Variants in SLC7A10 observed in about 807,000 individuals in gnomAD.
The protein encoded by SLC7A10 is solute carrier family 7 member 10, also known as asc-type amino acid transporter 1.
Under a neutral mutation model 52.7 loss-of-function variants are expected in SLC7A10, and 30 were observed. That is an observed-to-expected ratio of 0.57 (90% CI 0.43 to 0.77). SLC7A10 has a LOEUF of 0.77. SLC7A10 is among the 30% of genes least tolerant of loss of function. The pLI is 0.00. For missense variants in SLC7A10, 581 were observed against 698.5 expected, an observed-to-expected ratio of 0.83 and a Z score of 1.90; for synonymous variants, 318 against 314.9, an observed-to-expected ratio of 1.01 and a Z score of -0.10.
In SLC7A10 at chr19:33,212,613, T is replaced by C; in HGVS notation, c.535A>G (p.Ser179Gly). Residue 179 changes from serine to glycine, a missense_variant, in exon 4 of 11, where the codon AGT (serine) becomes GGT (glycine). Transcript: ENST00000253188. ...TGGATGCGCGTGGCCCAGCGCACAC[T>C]GGAGCTGTTCACCCATGTCAGGAGC... ...LMLLTWVNSS[S>G]VRWATRIQDM... 6.2e-7 allele frequency: 1 copy of C among 1,613,818 alleles called. No individual in the cohort carries two copies. The highest frequency in any genetic ancestry group is 1.3e-5 in the African/African-American group (1 of 75,066).
intron 5 of SLC7A10, chr19:33,212,011 G>A (rs1974564730): frequency 8.9e-6 from 5 of 558,660 alleles, no homozygotes; most frequent in Non-Finnish European, 9.6e-6. Flanking sequence ...ATAATTTTAG[G>A]CCAAATGCAA....
chr19:33,218,298 G>T (rs1974732960), intron 1 of SLC7A10, among the ~76,000 whole-genome samples: 1 of 152,186 alleles, frequency 6.6e-6, no homozygotes, highest in Admixed American at 6.5e-5. Flanking sequence ...TACTGGGCTT[G>T]CCAGGGGTGG....
At chr19:33,221,355 T>C (rs553428346) in intron 1 of SLC7A10, among the ~76,000 whole-genome samples, 1 of 152,282 alleles carries the variant, frequency 6.6e-6, no homozygotes, top group East Asian at 1.9e-4. Flanking sequence ...CCCCATGGTG[T>C]CTCTGGCATG....
At position 33,212,628 on chromosome 19, in the gene SLC7A10, A is replaced by G. The variant is rs375219984; in HGVS notation, c.520T>C (p.Trp174Arg). The stretch of plus-strand genomic sequence containing the variant: ...CAGCGCACACTGGAGCTGTTCACCC[A>G]TGTCAGGAGCACTGCGGAGGGAAGG... ...LSMACLMLLT[W>R]VNSSSVRWAT... The change falls in exon 4 of 11, where the codon TGG (tryptophan) becomes CGG (arginine). Residue 174 changes from tryptophan (W) to arginine (R), a missense_variant. By Grantham distance (101) the Trp-to-Arg change is moderately radical. Transcript: ENST00000253188. 35 of 1,613,642 alleles carry G rather than the reference A, an allele frequency of 2.2e-5. No homozygotes were observed. The highest frequency in any genetic ancestry group is 2.9e-5 in the Non-Finnish European group (34 of 1,180,040).
In SLC7A10 at chr19:33,211,691, G is replaced by A; in HGVS notation, c.789-154C>T. On this transcript the variant is annotated intron_variant, in intron 5 of 10. Transcript: ENST00000253188. The stretch of plus-strand genomic sequence containing the variant: ...GCAGCATTGCTGCCCGAGACACAGG[G>A]ACCCTGTTGTCTGCCCTGCCCCACC... The A allele has an allele frequency of 3.5e-6, 5 of 1,446,154 alleles. No homozygotes were observed. The South Asian group carries it at 3.7e-5, about 11-fold the overall frequency. 89.6% of individuals were successfully genotyped at this position (1,446,154 alleles called of 1,614,324 possible). A position where few individuals can be genotyped will look rare whatever the true frequency, so the allele number is the denominator to read the frequency against.
chr19:33,215,507 A>G (rs977954760), intron 2 of SLC7A10, among the ~76,000 whole-genome samples: 1 of 148,832 alleles, frequency 6.7e-6, no homozygotes, highest in Non-Finnish European at 1.5e-5. Flanking sequence ...AGGGGCCTGC[A>G]GGAGTGCCCA....
chr19:33,215,677 C>T lies in SLC7A10; in HGVS notation c.356+92G>A, dbSNP rs559924056. 361 of 1,393,574 alleles carry T rather than the reference C, an allele frequency of 2.6e-4. 1 individual carries two copies. The African/African-American group carries it at 4.6e-3, about 18-fold the overall frequency. 86.3% of individuals were successfully genotyped at this position (1,393,574 alleles called of 1,614,324 possible). On this transcript the variant is annotated intron_variant, in intron 2 of 10. Coordinates refer to ENST00000253188, the MANE Select transcript of SLC7A10 (RefSeq NM_019849.3). Reference sequence around the variant, plus strand: ...CCACCCCCACGACCTCCCTAGGAAGCCGGAAGCAGGAGTGGAAACTGATGC... The same window carrying T: ...CCACCCCCACGACCTCCCTAGGAAGTCGGAAGCAGGAGTGGAAACTGATGC...
rs1599947960 is a variant in SLC7A10, at chr19:33,212,003, A to ATGC, written c.788+288_788+289insGCA. 3.3e-5 allele frequency: 18 copies of ATGC among 547,094 alleles called. No individual in the cohort carries two copies. The East Asian group carries it at 5.8e-4, about 18-fold the overall frequency. 33.9% of individuals were successfully genotyped at this position (547,094 alleles called of 1,614,324 possible). A position where few individuals can be genotyped will look rare whatever the true frequency, so the allele number is the denominator to read the frequency against. Reference sequence around the variant, plus strand: ...GGGACCATATTGTGTGTATATGCATAATTTTAGGCCAAATGCAAATCTCTG... The same window carrying ATGC: ...GGGACCATATTGTGTGTATATGCATATGCATTTTAGGCCAAATGCAAATCTCTG... On this transcript the variant is annotated intron_variant, in intron 5 of 10. Transcript: ENST00000253188.
intron 1 of SLC7A10, among the ~76,000 whole-genome samples, chr19:33,222,826 CAT>C (rs1365960060): frequency 6.6e-6 from 1 of 152,176 alleles, no homozygotes; most frequent in Non-Finnish European, 1.5e-5. Context: ...ACACACTATA[CAT>C]GAGTCTCACG....
At chr19:33,218,820 A>G (rs957758281) in intron 1 of SLC7A10, among the ~76,000 whole-genome samples, 2 of 137,874 alleles carry the variant, frequency 1.5e-5, no homozygotes, top group African/African-American at 5.0e-5. Flanking sequence ...ACCTGGCCAG[A>G]TTAGTGGAGC....
At chr19:33,218,213 G>A (rs927513495) in intron 1 of SLC7A10, among the ~76,000 whole-genome samples, 1 of 152,128 alleles carries the variant, frequency 6.6e-6, no homozygotes, top group Non-Finnish European at 1.5e-5. Flanking sequence ...GTGGAGCTCC[G>A]GGGTAAGCCA....
At chr19:33,222,675 AGGCAGTAAGAG>A (rs1397573583) in intron 1 of SLC7A10, among the ~76,000 whole-genome samples, 1 of 152,166 alleles carries the variant, frequency 6.6e-6, no homozygotes, top group African/African-American at 2.4e-5. Flanking sequence ...TGTTTTCATA[AGGCAGTAAGAG>A]GTGTTTTTCT....
At chr19:33,222,979 T>C (rs1974844885) in intron 1 of SLC7A10, among the ~76,000 whole-genome samples, 1 of 152,266 alleles carries the variant, frequency 6.6e-6, no homozygotes, top group South Asian at 2.1e-4. Context: ...GGAAATAACA[T>C]GTTCAATAAC....
chr19:33,209,187 G>C, intron 10 of SLC7A10, 121 bp downstream of exon 10: 1 of 1,521,416 alleles, frequency 6.6e-7, no homozygotes, highest in Non-Finnish European at 9.0e-7. Flanking sequence ...GGTGGCGGCT[G>C]GGCCCTGTGT....
intron 2 of SLC7A10, among the ~76,000 whole-genome samples, chr19:33,214,866 G>A (rs920255347): frequency 2.0e-5 from 3 of 152,214 alleles, no homozygotes; most frequent in East Asian, 1.9e-4. Context: ...AGCAGCTTGA[G>A]TACAGGGACA....
intron 1 of SLC7A10, among the ~76,000 whole-genome samples, chr19:33,223,943 TCACCAC>T (rs80120440): frequency 0.85 from 124,739 of 147,176 alleles, 53,598 homozygotes; most frequent in Non-Finnish European, 0.92. Context: ...ACCTCTACCA[TCACCAC>T]CACCACCACC....
chr19:33,220,690 C>T (rs952950021), intron 1 of SLC7A10, among the ~76,000 whole-genome samples: 1 of 152,154 alleles, frequency 6.6e-6, no homozygotes, highest in African/African-American at 2.4e-5. Context: ...GTATATGCAA[C>T]GAACCACTCA....
chr19:33,216,946 C>T (rs1441615646), intron 1 of SLC7A10, among the ~76,000 whole-genome samples: 2 of 152,084 alleles, frequency 1.3e-5, no homozygotes, highest in Non-Finnish European at 2.9e-5. Context: ...GCGATCATAG[C>T]TTACTGCAGC....
At chr19:33,212,254 T>A in intron 5 of SLC7A10, 38 bp downstream of exon 5, 1 of 1,571,796 alleles carries the variant, frequency 6.4e-7, no homozygotes, top group Non-Finnish European at 8.6e-7. Context: ...CCAGAGGGCC[T>A]GGCTGCTTCC....
Sources: gnomAD v4.1 joint callset for allele counts (sites outside exome capture counted in the v4.1 genomes callset) on GRCh38, gnomAD v4.1.1 for gene constraint, MANE v1.5 for transcripts, NCBI Gene and HGNC (gene_info 2026-07-23, HGNC 2026-07-21) for gene names.